The following SDHC variants were observed in gnomAD, a reference collection of about 807,000 sequenced individuals.
SDHC encodes succinate dehydrogenase cytochrome b560 subunit, mitochondrial.
A neutral mutation model predicts 22.6 loss-of-function variants in SDHC; 11 were observed. The ratio of observed to expected loss-of-function variants is 0.49; its 90% CI spans 0.31 to 0.81. The LOEUF (loss-of-function observed/expected upper bound fraction) is 0.81. Ranked by LOEUF, SDHC falls within the 30% of genes least tolerant of loss-of-function variation. The pLI is 0.05. For synonymous variants in SDHC, 80 were observed against 77.8 expected (o/e 1.03, Z -0.15); for missense variants, 160 against 212.0 (o/e 0.75, Z 1.52).
At chr1:161,332,421 A>G (rs901710569) in intron 3 of SDHC, among the ~76,000 whole-genome samples, 2 of 152,142 alleles carry the variant, frequency 1.3e-5, no homozygotes, top group Admixed American at 6.5e-5. Context: ...TTTCTGCCCT[A>G]TGTAACAAGG....
At chr1:161,316,414 T>G (rs1179678173) in intron 1 of SDHC, among the ~76,000 whole-genome samples, 1 of 152,246 alleles carries the variant, frequency 6.6e-6, no homozygotes, top group Non-Finnish European at 1.5e-5. Flanking sequence ...TTAATGAGCA[T>G]GCTGCCTTCA....
rs143709584 is a variant in SDHC, at chr1:161,349,413, C to T, written c.242-7264C>T. On this transcript the variant is annotated intron_variant, in intron 4 of 5. Transcript: ENST00000367975. ...CCAGGAGGCAGAGGTTGCAGTGAGC[C>T]GAGATCATGCCACTGCACTCTAGCC... is the stretch of plus-strand genomic sequence containing the variant. 8.8e-3 allele frequency among the ~76,000 whole-genome samples: 1,337 copies of T among 151,900 alleles called. 34 individuals are homozygous for T. The highest frequency in any genetic ancestry group is 0.048 in the East Asian group (249 of 5,166).
chr1:161,345,271 GT>G (rs1671852135), intron 4 of SDHC, among the ~76,000 whole-genome samples: 1 of 152,108 alleles, frequency 6.6e-6, no homozygotes, highest in Non-Finnish European at 1.5e-5. Context: ...TTGCTGCACT[GT>G]GCTTGGTTAG....
intron 4 of SDHC, among the ~76,000 whole-genome samples, chr1:161,353,332 C>A (rs567525497): frequency 1.1e-4 from 17 of 152,112 alleles, no homozygotes; most frequent in African/African-American, 4.1e-4. Context: ...ATGAGTTTGC[C>A]CAGATATCTA....
chr1:161,323,041 C>G (rs970522316), intron 1 of SDHC, among the ~76,000 whole-genome samples: 1 of 152,044 alleles, frequency 6.6e-6, no homozygotes, highest in Admixed American at 6.6e-5. Flanking sequence ...CTCTGTCACC[C>G]GGGCTGGAGT....
At chr1:161,358,784 G>C (rs753860608) in intron 5 of SDHC, among the ~76,000 whole-genome samples, 2 of 152,042 alleles carry the variant, frequency 1.3e-5, no homozygotes, top group African/African-American at 2.4e-5. Flanking sequence ...AAATTAGCCG[G>C]GCATGGTGGC....
intron 2 of SDHC, among the ~76,000 whole-genome samples, chr1:161,324,284 A>G (rs1670966743): frequency 6.6e-6 from 1 of 151,956 alleles, no homozygotes; most frequent in African/African-American, 2.4e-5. Context: ...AATTTTTTGT[A>G]TATTTTGTAG....
In SDHC at chr1:161,363,203, G is replaced by C. The variant is rs1215492573; in HGVS notation, c.*770G>C. On this transcript the variant is annotated 3_prime_UTR_variant, in exon 6 of 6. Coordinates refer to ENST00000367975, the MANE Select transcript of SDHC (RefSeq NM_003001.5). ...ACTCATTTTATCTTTGACTCTCCTT[G>C]AAATCTAGAGAAACCAAGAAAATGG... 1.3e-5 allele frequency: 3 copies of C among 233,132 alleles called. No homozygotes were observed. Among genetic ancestry groups the C allele is most frequent in the African/African-American group, 4.4e-5 (2 of 45,216 alleles). The allele number at this position is 233,132 out of a possible 1,614,324, so 14.4% of individuals were successfully genotyped here.
chr1:161,326,706 A>G (rs1389299175), intron 2 of SDHC: 1 of 149,946 alleles, frequency 6.7e-6, no homozygotes, highest in African/African-American at 2.5e-5. Context: ...GCTCACTGCA[A>G]CCTCCACGTC....
intron 4 of SDHC, among the ~76,000 whole-genome samples, chr1:161,343,497 G>A (rs16832845): frequency 0.015 from 2,263 of 152,200 alleles, 55 homozygotes; most frequent in African/African-American, 0.052. Context: ...GTAAAGGGAC[G>A]ATGGAATCAA....
chr1:161,350,578 A>AAAG (rs1439367563), intron 4 of SDHC, among the ~76,000 whole-genome samples: 1 of 152,204 alleles, frequency 6.6e-6, no homozygotes, highest in Non-Finnish European at 1.5e-5. Flanking sequence ...TATACCCAAT[A>AAAG]AAGGTATTTT....
intron 4 of SDHC, among the ~76,000 whole-genome samples, chr1:161,352,239 A>G: frequency 6.6e-6 from 1 of 152,222 alleles, no homozygotes; most frequent in East Asian, 1.9e-4. Flanking sequence ...ACTTGTAGTG[A>G]TGAAAGCTTT....
intron 4 of SDHC, among the ~76,000 whole-genome samples, chr1:161,350,264 C>T (rs1672056576): frequency 6.6e-6 from 1 of 152,090 alleles, no homozygotes; most frequent in Admixed American, 6.6e-5. Context: ...GTTGCCCAGG[C>T]TGGTCTCAAC....
At chr1:161,322,328 T>C (rs1670866195) in intron 1 of SDHC, among the ~76,000 whole-genome samples, 1 of 152,218 alleles carries the variant, frequency 6.6e-6, no homozygotes, top group Non-Finnish European at 1.5e-5. Flanking sequence ...CTGGCACTGA[T>C]GTATACATTT....
chr1:161,362,858 G>A lies in SDHC; in HGVS notation c.*425G>A, dbSNP rs1430975296. 2.2e-6 allele frequency: 1 copy of A among 462,258 alleles called. No homozygotes were observed. The highest frequency in any genetic ancestry group is 3.8e-5 in the East Asian group (1 of 26,258). 28.6% of individuals were successfully genotyped at this position (462,258 alleles called of 1,614,324 possible). A position where few individuals can be genotyped will look rare whatever the true frequency, so the allele number is the denominator to read the frequency against. On this transcript the variant is annotated 3_prime_UTR_variant, in exon 6 of 6. Transcript: ENST00000367975. The stretch of plus-strand genomic sequence containing the variant: ...AGGCTTTGGGTGCCACTGCCTGTGG[G>A]TTGCTGGCTTAAAGGACAATTCTCT...
At chr1:161,317,455 A>G (rs1056836727) in intron 1 of SDHC, among the ~76,000 whole-genome samples, 1 of 151,066 alleles carries the variant, frequency 6.6e-6, no homozygotes, top group Non-Finnish European at 1.5e-5. Flanking sequence ...AGCTATTGAC[A>G]TATGCATTAC....
intron 2 of SDHC, among the ~76,000 whole-genome samples, chr1:161,324,364 C>T (rs1487488046): frequency 2.6e-5 from 4 of 152,228 alleles, no homozygotes; most frequent in Non-Finnish European, 5.9e-5. Flanking sequence ...CCTGCCTCGG[C>T]TGGGATTATA....
chr1:161,314,421 C>G lies in SDHC; in HGVS notation c.16C>G (p.Leu6Val), dbSNP rs1325823872. Reference protein sequence around the residue: MAALLLRHVGRHCLRA... With the variant: MAALLVRHVGRHCLRA... Reference sequence around the variant, plus strand: ...GGAACCCAAGATGGCTGCGCTGTTGCTGAGGTGACTTCAGTGGGACTGGGA... The same window carrying G: ...GGAACCCAAGATGGCTGCGCTGTTGGTGAGGTGACTTCAGTGGGACTGGGA... Residue 6 changes from leucine (L) to valine (V), a missense_variant, in exon 1 of 6, where the codon CTG becomes GTG. This residue lies in a region of SDHC where 86 missense variants were observed against 83.4 expected (regional missense o/e 1.03). Coordinates refer to ENST00000367975, the MANE Select transcript of SDHC (RefSeq NM_003001.5). The G allele has an allele frequency of 6.2e-7, 1 of 1,611,726 alleles. No individual in the cohort carries two copies. The highest frequency in any genetic ancestry group is 8.5e-7 in the Non-Finnish European group (1 of 1,179,814).
chr1:161,321,117 G>A lies in SDHC; in HGVS notation c.21-2497G>A, dbSNP rs564850879. 1.4e-4 allele frequency among the ~76,000 whole-genome samples: 22 copies of A among 152,212 alleles called. No individual in the cohort carries two copies. The South Asian group carries it at 3.5e-3, about 24-fold the overall frequency. ...TGGGATTACAGGCGTGAGCCATCGCGCCCGGCCCAGTCTTGATTTTTTACT... is the reference window on the plus strand; with the variant it reads ...TGGGATTACAGGCGTGAGCCATCGCACCCGGCCCAGTCTTGATTTTTTACT... On this transcript the variant is annotated intron_variant, in intron 1 of 5. Coordinates refer to ENST00000367975, the MANE Select transcript of SDHC (RefSeq NM_003001.5).
Sources: gnomAD v4.1 joint callset for allele counts (sites outside exome capture counted in the v4.1 genomes callset) on GRCh38, gnomAD v4.1.1 for gene constraint, gnomAD v4.1.1 regional missense constraint, MANE v1.5 for transcripts, NCBI Gene and HGNC (gene_info 2026-07-23, HGNC 2026-07-21) for gene names.